The following NLGN4X variants were observed in gnomAD, a reference collection of about 807,000 sequenced individuals.
NLGN4X encodes the protein neuroligin-4, X-linked.
NLGN4X carries 3 observed loss-of-function variants against 40.3 expected under a neutral mutation model. The ratio of observed to expected loss-of-function variants is 0.07; its 90% CI spans 0.03 to 0.19. The LOEUF is 0.19. Among genes scored for constraint, NLGN4X ranks in the 10% least tolerant of loss-of-function variants. The pLI is 1.00. For missense variants in NLGN4X, 382 were observed against 708.3 expected (o/e 0.54, Z 5.23); for synonymous variants, 270 against 306.8 (o/e 0.88, Z 1.25).
At chrX:5,932,298 T>C (rs2033574872) in intron 3 of NLGN4X, among the ~76,000 whole-genome samples, 1 of 112,005 alleles carries the variant, frequency 8.9e-6, no homozygotes, top group Non-Finnish European at 1.9e-5. Context: ...AGAAGAAACA[T>C]AGACTTGGGT....
chrX:6,209,688 C>T (rs970138193), intron 1 of NLGN4X, among the ~76,000 whole-genome samples: 1 of 111,858 alleles, frequency 8.9e-6, no homozygotes, highest in South Asian at 3.7e-4. Flanking sequence ...CCCTGATACT[C>T]GCTTAGAAGT....
chrX:6,114,852 G>A (rs997275352), intron 2 of NLGN4X, among the ~76,000 whole-genome samples: 3 of 111,154 alleles, frequency 2.7e-5, no homozygotes, highest in African/African-American at 9.8e-5. Flanking sequence ...CCTCACCATC[G>A]TCCTACAAAC....
chrX:6,053,389 T>C (rs1157415170), intron 2 of NLGN4X, among the ~76,000 whole-genome samples: 2 of 111,289 alleles, frequency 1.8e-5, no homozygotes, highest in Non-Finnish European at 3.8e-5. Context: ...CACTTGTTCA[T>C]GCAGCAGACT....
Position 6,074,745 on chromosome X carries a change from A to C in NLGN4X, c.473-45313T>G, listed in dbSNP as rs761662731. On this transcript the variant is annotated intron_variant, in intron 2 of 5. Coordinates refer to ENST00000381095, the MANE Select transcript of NLGN4X (RefSeq NM_181332.3). ...AAGAAAGCAATGAAATCATGAGACA[A>C]GAGTGAAAGTCTGATACTTTGCATA... Among the ~76,000 whole-genome samples the C allele has an allele frequency of 2.7e-5, 3 of 111,671 alleles. No homozygotes were observed. The South Asian group carries it at 1.2e-3, about 43-fold the overall frequency.
intron 3 of NLGN4X, among the ~76,000 whole-genome samples, chrX:6,028,151 T>C (rs2036758956): frequency 8.9e-6 from 1 of 111,762 alleles, no homozygotes; most frequent in Admixed American, 9.5e-5. Flanking sequence ...TGTATCATAA[T>C]CACACTGGAA....
chrX:5,925,345 T>C (rs2033229466), intron 3 of NLGN4X, among the ~76,000 whole-genome samples: 1 of 112,040 alleles, frequency 8.9e-6, no homozygotes, highest in Admixed American at 9.5e-5. Context: ...AGAAAGCAAG[T>C]GAAAATATTG....
At chrX:6,034,191 T>C (rs2036942063) in intron 2 of NLGN4X, among the ~76,000 whole-genome samples, 1 of 112,495 alleles carries the variant, frequency 8.9e-6, no homozygotes, top group Non-Finnish European at 1.9e-5. Flanking sequence ...TTTCTGTCTT[T>C]ATAAGATTTG....
intron 2 of NLGN4X, among the ~76,000 whole-genome samples, chrX:6,132,553 A>G (rs1383269863): frequency 1.8e-5 from 2 of 111,391 alleles, no homozygotes; most frequent in Non-Finnish European, 3.8e-5. Flanking sequence ...ATCTCTAGAC[A>G]TTGTCAAATG....
intron 2 of NLGN4X, among the ~76,000 whole-genome samples, chrX:6,060,860 T>C (rs1267588385): frequency 8.9e-6 from 1 of 111,810 alleles, no homozygotes; most frequent in African/African-American, 3.2e-5. Context: ...ATAGAACACC[T>C]TGCTCTTGCT....
chrX:6,156,422 T>C (rs1013874527), intron 1 of NLGN4X, among the ~76,000 whole-genome samples: 3 of 110,871 alleles, frequency 2.7e-5, no homozygotes, highest in Non-Finnish European at 3.8e-5. Context: ...GGCAGGAGAA[T>C]AGCGTGAACC....
chrX:6,142,214 G>C (rs760918700), intron 2 of NLGN4X, among the ~76,000 whole-genome samples: 1 of 112,078 alleles, frequency 8.9e-6, no homozygotes, highest in African/African-American at 3.2e-5. Flanking sequence ...TTCTTTGTTA[G>C]GAAAAGATAT....
At chrX:6,046,801 TAAAC>T (rs1156452177) in intron 2 of NLGN4X, among the ~76,000 whole-genome samples, 1 of 108,300 alleles carries the variant, frequency 9.2e-6, no homozygotes, top group Non-Finnish European at 1.9e-5. Flanking sequence ...TATATACACA[TAAAC>T]ACATATATAC....
chrX:6,001,836 A>G (rs2035978072), intron 3 of NLGN4X, among the ~76,000 whole-genome samples: 1 of 112,008 alleles, frequency 8.9e-6, no homozygotes, highest in East Asian at 2.8e-4. Flanking sequence ...GATAGAATAC[A>G]TTGATTTTAT....
chrX:6,208,211 A>G (rs1206733394), intron 1 of NLGN4X, among the ~76,000 whole-genome samples: 1 of 111,846 alleles, frequency 8.9e-6, no homozygotes. Context: ...ATGTTCAAAT[A>G]CTCTCTTCCC....
chrX:6,071,705 G>T (rs899228477), intron 2 of NLGN4X, among the ~76,000 whole-genome samples: 3 of 111,909 alleles, frequency 2.7e-5, no homozygotes, highest in Non-Finnish European at 3.8e-5. Flanking sequence ...CTGAAAACCT[G>T]CCCTCACTTT....
chrX:5,928,104 G>A (rs931454897), intron 3 of NLGN4X, among the ~76,000 whole-genome samples: 1 of 111,899 alleles, frequency 8.9e-6, no homozygotes, highest in Non-Finnish European at 1.9e-5. Flanking sequence ...ATTCCTCTGC[G>A]TCTAAACTTT....
At chrX:5,994,280 G>A (rs1222812399) in intron 3 of NLGN4X, among the ~76,000 whole-genome samples, 1 of 111,808 alleles carries the variant, frequency 8.9e-6, no homozygotes, top group African/African-American at 3.3e-5. Flanking sequence ...TGAGATGTAA[G>A]AAGCATTTGC....
chrX:6,199,551 C>T (rs1336918430), intron 1 of NLGN4X, among the ~76,000 whole-genome samples: 2 of 111,663 alleles, frequency 1.8e-5, no homozygotes, highest in African/African-American at 6.5e-5. Flanking sequence ...TTAAAAAGCA[C>T]ATAGACTCAT....
intron 1 of NLGN4X, among the ~76,000 whole-genome samples, chrX:6,158,122 C>G (rs977070091): frequency 8.9e-6 from 1 of 111,952 alleles, no homozygotes; most frequent in African/African-American, 3.2e-5. Context: ...GCAGATCTCT[C>G]TAGGCTTTGT....
Sources: allele counts gnomAD v4.1 joint callset (sites outside exome capture counted in the v4.1 genomes callset), GRCh38; gene constraint gnomAD v4.1.1; transcripts MANE v1.5; gene names NCBI Gene and HGNC (gene_info 2026-07-23, HGNC 2026-07-21).